GRID2: variants seen among roughly 807,000 people sequenced by gnomAD.
GRID2 encodes glutamate receptor ionotropic, delta-2.
GRID2 carries 33 observed loss-of-function variants against 114.8 expected under a neutral mutation model. That is an observed-to-expected ratio of 0.29 (90% CI 0.22 to 0.38). The LOEUF is 0.38. Among genes scored for constraint, GRID2 ranks in the 10% least tolerant of loss-of-function variants. The probability of loss-of-function intolerance (pLI) is 1.00; values close to 1 mark genes in which losing one functional copy is unlikely to be tolerated. For missense variants in GRID2, 1,184 were observed against 1,257.7 expected (o/e 0.94, Z 0.89); for synonymous variants, 505 against 449.9 (o/e 1.12, Z -1.55).
At chr4:93,300,655 A>G (rs1754768036) in intron 8 of GRID2, among the ~76,000 whole-genome samples, 1 of 152,190 alleles carries the variant, frequency 6.6e-6, no homozygotes, top group Non-Finnish European at 1.5e-5. Flanking sequence ...CTATTGGCCC[A>G]TAATACTGTA....
At chr4:92,364,220 GC>G (rs1196770581) in intron 1 of GRID2, among the ~76,000 whole-genome samples, 5 of 151,938 alleles carry the variant, frequency 3.3e-5, no homozygotes, top group Non-Finnish European at 5.9e-5. Flanking sequence ...ACTGCTTGTA[GC>G]CTCTGCAAAA....
intron 1 of GRID2, among the ~76,000 whole-genome samples, chr4:92,401,580 A>T (rs1013858183): frequency 2.0e-5 from 3 of 152,170 alleles, no homozygotes; most frequent in African/African-American, 7.2e-5. Context: ...TGCATATAAA[A>T]ATTATGTCTA....
chr4:92,488,636 T>C (rs1193205117), intron 1 of GRID2, among the ~76,000 whole-genome samples: 1 of 152,160 alleles, frequency 6.6e-6, no homozygotes, highest in Non-Finnish European at 1.5e-5. Context: ...CTTCTGTCTC[T>C]GGGGTAGGCA....
At chr4:93,021,566 AAAT>A (rs982529222) in intron 2 of GRID2, among the ~76,000 whole-genome samples, 1 of 146,148 alleles carries the variant, frequency 6.8e-6, no homozygotes, top group South Asian at 2.1e-4. Context: ...TTTAAATAAT[AAAT>A]AATATATATT....
chr4:92,652,484 C>T (rs2149262724), intron 2 of GRID2, among the ~76,000 whole-genome samples: 2 of 151,640 alleles, frequency 1.3e-5, no homozygotes, highest in South Asian at 4.2e-4. Context: ...TTGAGGCTTG[C>T]CTGGGCACCA....
intron 1 of GRID2, among the ~76,000 whole-genome samples, chr4:92,587,439 T>C (rs887755385): frequency 1.4e-4 from 21 of 152,040 alleles, no homozygotes; most frequent in African/African-American, 4.8e-4. Flanking sequence ...AGAAAGGAAT[T>C]TCTGTCCCAG....
chr4:92,765,063 ATAT>A (rs1360334925), intron 2 of GRID2, among the ~76,000 whole-genome samples: 1 of 152,176 alleles, frequency 6.6e-6, no homozygotes, highest in African/African-American at 2.4e-5. Context: ...TCAAAACATG[ATAT>A]TATTTTTCAG....
intron 2 of GRID2, among the ~76,000 whole-genome samples, chr4:92,770,801 G>A (rs571094390): frequency 5.9e-5 from 9 of 152,076 alleles, no homozygotes; most frequent in Non-Finnish European, 1.2e-4. Context: ...ACGACACCTC[G>A]GAATTGTGGG....
chr4:93,618,127 C>T (rs1315162551), intron 13 of GRID2, among the ~76,000 whole-genome samples: 1 of 152,164 alleles, frequency 6.6e-6, no homozygotes, highest in Admixed American at 6.5e-5. Flanking sequence ...ATTAAGCTTA[C>T]ATTTATGAGC....
intron 7 of GRID2, among the ~76,000 whole-genome samples, chr4:93,225,681 A>C (rs1039588718): frequency 6.6e-6 from 1 of 152,224 alleles, no homozygotes; most frequent in Non-Finnish European, 1.5e-5. Flanking sequence ...TAATATTAGA[A>C]GTGAACTAGG....
intron 13 of GRID2, among the ~76,000 whole-genome samples, chr4:93,576,302 G>T (rs1054304493): frequency 6.6e-6 from 1 of 152,022 alleles, no homozygotes; most frequent in South Asian, 2.1e-4. Flanking sequence ...GAATTTTACT[G>T]CCTTATGGGC....
Position 92,360,625 on chromosome 4 carries a change from A to G in GRID2, c.88+55881A>G, listed in dbSNP as rs1262882277. 5.3e-5 allele frequency among the ~76,000 whole-genome samples: 8 copies of G among 152,124 alleles called. No homozygotes were observed. In the East Asian group the frequency reaches 1.4e-3, roughly 26 times the overall value. On this transcript the variant is annotated intron_variant, in intron 1 of 15. Transcript: ENST00000282020. ...TTCCACAGCCACCCAGCATTGTTCA[A>G]CGGTATCATGGAGGCTTCATAAGAT...
intron 14 of GRID2, among the ~76,000 whole-genome samples, chr4:93,637,100 A>T (rs1721478928): frequency 6.6e-6 from 1 of 152,206 alleles, no homozygotes; most frequent in Non-Finnish European, 1.5e-5. Flanking sequence ...CTGTTTAAAA[A>T]TTGTCATTAC....
Position 93,643,969 on chromosome 4 carries a change from C to T in GRID2, c.2360+17534C>T, listed in dbSNP as rs1281281289. The stretch of plus-strand genomic sequence containing the variant: ...GCTGTGCTAGCAATCCGCGAGATTC[C>T]GTGGGCGTAGGACCCTCCGAGCCAG... On this transcript the variant is annotated intron_variant, in intron 14 of 15. Transcript: ENST00000282020. Among the ~76,000 whole-genome samples the T allele has an allele frequency of 3.0e-5, 3 of 101,570 alleles. 1 individual carries two copies. Among genetic ancestry groups the T allele is most frequent in the African/African-American group, 5.6e-5 (1 of 17,882 alleles). The allele number at this position is 101,570 out of a possible 152,430, so 66.6% of individuals were successfully genotyped here. A position where few individuals can be genotyped will look rare whatever the true frequency, so the allele number is the denominator to read the frequency against.
At chr4:93,038,893 T>G (rs1725209212) in intron 2 of GRID2, among the ~76,000 whole-genome samples, 1 of 151,972 alleles carries the variant, frequency 6.6e-6, no homozygotes, top group Admixed American at 6.6e-5. Flanking sequence ...GTTCAACCAT[T>G]GTAGAAGACA....
At chr4:93,023,293 T>C (rs1169988444) in intron 2 of GRID2, among the ~76,000 whole-genome samples, 1 of 151,808 alleles carries the variant, frequency 6.6e-6, no homozygotes, top group Non-Finnish European at 1.5e-5. Flanking sequence ...TAGATGTTAA[T>C]AATTATTCCA....
At chr4:93,107,036 A>G (rs577082328) in intron 3 of GRID2, among the ~76,000 whole-genome samples, 1 of 152,324 alleles carries the variant, frequency 6.6e-6, no homozygotes, top group East Asian at 1.9e-4. Context: ...GTGGTGGCTT[A>G]TGCCTGTAAT....
At chr4:93,301,147 C>T (rs79476898) in intron 8 of GRID2, among the ~76,000 whole-genome samples, 8,178 of 152,134 alleles carry the variant, frequency 0.054, 727 homozygotes, top group African/African-American at 0.19. Flanking sequence ...TCCCTCAATA[C>T]ACAAATTTTC....
chr4:93,007,868 C>T (rs1436167708), intron 2 of GRID2, among the ~76,000 whole-genome samples: 1 of 151,622 alleles, frequency 6.6e-6, no homozygotes, highest in East Asian at 1.9e-4. Context: ...TGGTGAAACC[C>T]CATCTCTACT....
Sources: gnomAD v4.1 joint callset for allele counts (sites outside exome capture counted in the v4.1 genomes callset) on GRCh38, gnomAD v4.1.1 for gene constraint, MANE v1.5 for transcripts, NCBI Gene and HGNC (gene_info 2026-07-23, HGNC 2026-07-21) for gene names.